RREB1: variants seen among roughly 807,000 people sequenced by gnomAD.
The protein encoded by RREB1 is ras-responsive element-binding protein 1.
RREB1 carries 27 observed loss-of-function variants against 117.8 expected under a neutral mutation model. That is an observed-to-expected ratio of 0.23 (90% CI 0.17 to 0.32). RREB1 has a LOEUF of 0.32. Ranked by LOEUF, RREB1 falls within the 10% of genes least tolerant of loss-of-function variation. RREB1 has a pLI of 1.00. For missense variants in RREB1, 2,577 were observed against 2,378.2 expected (o/e 1.08, Z -1.74); for synonymous variants, 1,298 against 1,026.7 (o/e 1.26, Z -5.05).
Position 7,229,308 on chromosome 6 carries a change from C to A in RREB1, c.1209C>A (p.Asp403Glu), listed in dbSNP as rs780035681. The A allele has an allele frequency of 3.7e-6, 6 of 1,614,188 alleles. 1 individual carries two copies. The South Asian group carries it at 6.6e-5, about 18-fold the overall frequency. Reference sequence around the variant, plus strand: ...CACTCAAGTGTCAGCTACCTCAGGACCCCGGCTGCACCAACCTGCTGAGCC... The same window carrying A: ...CACTCAAGTGTCAGCTACCTCAGGAACCCGGCTGCACCAACCTGCTGAGCC... ...LQTLKCQLPQ[D>E]PGCTNLLSLS... is the part of the protein sequence containing the mutation. The change falls in exon 10 of 13, where the codon GAC (aspartate) becomes GAA (glutamate). Residue 403 changes from aspartate (D) to glutamate (E), a missense_variant. Asp to Glu is a conservative substitution (Grantham distance 45). Transcript: ENST00000379938. This position sits in a 1 kb window ranked among gnomAD's most constrained non-coding sequence, Gnocchi z 4.5.
At chr6:7,143,830 C>A (rs1205103789) in intron 1 of RREB1, among the ~76,000 whole-genome samples, 1 of 149,270 alleles carries the variant, frequency 6.7e-6, no homozygotes. Flanking sequence ...CAGTGTGCAT[C>A]ACTGCAGCCT....
At chr6:7,196,230 T>G (rs201055608) in intron 6 of RREB1, among the ~76,000 whole-genome samples, 3,430 of 124,092 alleles carry the variant, frequency 0.028, 62 homozygotes, top group African/African-American at 0.086. Flanking sequence ...TTTTTTTTTT[T>G]GTTTTTTTTT....
intron 1 of RREB1, among the ~76,000 whole-genome samples, chr6:7,112,159 A>G (rs1256598229): frequency 6.6e-6 from 1 of 152,232 alleles, no homozygotes; most frequent in Non-Finnish European, 1.5e-5. Flanking sequence ...GGTTCAGAGT[A>G]TCTTTGGAAG....
Position 7,146,252 on chromosome 6 carries a change from CTG to C in RREB1, c.-284-30400_-284-30399del, listed in dbSNP as rs1489004515. 2.0e-5 allele frequency among the ~76,000 whole-genome samples: 3 copies of C among 152,312 alleles called. No individual in the cohort carries two copies. In the East Asian group the frequency reaches 5.8e-4, roughly 29 times the overall value. ...CCTTGCCATCTGTTTCTAGAGCAGT[CTG>C]TGGCCCGCTTACCATGCCCTCTGTC... On this transcript the variant is annotated intron_variant, in intron 1 of 12. Coordinates refer to ENST00000379938, the MANE Select transcript of RREB1 (RefSeq NM_001003699.4).
chr6:7,126,354 C>T (rs1027926208), intron 1 of RREB1, among the ~76,000 whole-genome samples: 3 of 152,088 alleles, frequency 2.0e-5, no homozygotes, highest in East Asian at 3.9e-4. Context: ...CTACAACCTC[C>T]GCCTCCCAGG....
chr6:7,180,592 A>G (rs1183390457), intron 2 of RREB1, among the ~76,000 whole-genome samples: 2 of 152,256 alleles, frequency 1.3e-5, no homozygotes, highest in Admixed American at 6.5e-5. Context: ...ATAATAGTCT[A>G]GTTGCAAGGA....
At chr6:7,124,652 CT>C (rs1272441121) in intron 1 of RREB1, among the ~76,000 whole-genome samples, 1 of 152,220 alleles carries the variant, frequency 6.6e-6, no homozygotes, top group African/African-American at 2.4e-5. Context: ...GGTTGTTAGG[CT>C]TTTCATGTAG....
At chr6:7,207,282 A>G (rs1766330330) in intron 6 of RREB1, among the ~76,000 whole-genome samples, 1 of 152,242 alleles carries the variant, frequency 6.6e-6, no homozygotes, top group Non-Finnish European at 1.5e-5. Context: ...TTTAAAATTC[A>G]TATCTCTAGT....
chr6:7,200,530 A>C (rs975778023), intron 6 of RREB1, among the ~76,000 whole-genome samples: 1 of 152,078 alleles, frequency 6.6e-6, no homozygotes, highest in African/African-American at 2.4e-5. Flanking sequence ...CAGCCTCCCA[A>C]AGTGCTGGGA....
chr6:7,149,606 A>G (rs74621235), intron 1 of RREB1, among the ~76,000 whole-genome samples: 203 of 152,358 alleles, frequency 1.3e-3, no homozygotes, highest in African/African-American at 4.8e-3. Flanking sequence ...AATAGTGTCC[A>G]CATGGCTTTT....
intron 1 of RREB1, among the ~76,000 whole-genome samples, chr6:7,163,709 T>G (rs2113471004): frequency 6.6e-6 from 1 of 152,296 alleles, no homozygotes; most frequent in East Asian, 1.9e-4. Context: ...GCGTTTTAGT[T>G]GTGGGGCTGG....
chr6:7,229,809 G>A lies in RREB1; in HGVS notation c.1710G>A (p.Gln570=), dbSNP rs370148844. ...TGCTGCAGTCCAAGTCCGGGACCCA[G>A]CCCCACGCGGCCACGCGGCTCTCCC... ...AHLLQSKSGT[Q]PHAATRLSLQ... Residue 570 remains glutamine (Q), a synonymous_variant, in exon 10 of 13, where the codon CAG becomes CAA. Transcript: ENST00000379938. This position sits in a 1 kb window ranked among gnomAD's most constrained non-coding sequence, Gnocchi z 4.5. 2.8e-4 allele frequency: 446 copies of A among 1,610,580 alleles called. 1 individual carries two copies. Among genetic ancestry groups the A allele is most frequent in the Non-Finnish European group, 3.6e-4 (430 of 1,178,630 alleles).
rs1231703440 is a variant in RREB1, at chr6:7,231,386, G to A, written c.3287G>A (p.Ser1096Asn). Residue 1096 changes from serine to asparagine, a missense_variant, in exon 10 of 13, where the codon AGT becomes AAT. Physicochemically the swap from Ser to Asn is conservative, Grantham distance 46. Transcript: ENST00000379938. ...VADPGPASTG[S>N]NTTASDSLGG... ...GACCCAGGGCCCGCAAGCACTGGCA[G>A]TAACACCACGGCTTCAGACAGCTTA... The A allele has an allele frequency of 6.2e-7, 1 of 1,613,486 alleles. No homozygotes were observed. Among genetic ancestry groups the A allele is most frequent in the Non-Finnish European group, 8.5e-7 (1 of 1,179,954 alleles).
rs9502564 is a variant in RREB1 at position 7,230,447 on chromosome 6, G to T, written c.2348G>T (p.Gly783Val). 0.36 allele frequency: 572,640 copies of T among 1,590,360 alleles called. 112,395 individuals are homozygous for T. The highest frequency in any genetic ancestry group is 0.74 in the East Asian group (33,015 of 44,584). Residue 783 changes from glycine to valine, a missense_variant, in exon 10 of 13, where the codon GGC becomes GTC. Transcript: ENST00000379938. ...CACTGCGGCCGCGGCCTGGGCGGGGGCCACAAGGGCCGCAAGCCCTTCGAG... is the reference window on the plus strand; with the variant it reads ...CACTGCGGCCGCGGCCTGGGCGGGGTCCACAAGGGCCGCAAGCCCTTCGAG... Reference protein sequence around the residue: ...RTHCGRGLGGGHKGRKPFECK... With the variant: ...RTHCGRGLGGVHKGRKPFECK...
At chr6:7,225,173 G>A (rs1277071394) in intron 8 of RREB1, among the ~76,000 whole-genome samples, 1 of 152,186 alleles carries the variant, frequency 6.6e-6, no homozygotes, top group African/African-American at 2.4e-5. Flanking sequence ...AAGTGGCTTT[G>A]CCTGGCTAAA....
chr6:7,211,338 A>ACGGATG lies in RREB1; in HGVS notation c.571-235_571-234insCGGATG, dbSNP rs1554124720. On this transcript the variant is annotated intron_variant, in intron 7 of 12. Coordinates refer to ENST00000379938, the MANE Select transcript of RREB1 (RefSeq NM_001003699.4). ...AGGGTGGGTGGATGGATGGATGGAC[A>ACGGATG]GATGGATGGATGGATGGATGGATGG... is the stretch of plus-strand genomic sequence containing the variant. 8.9e-4 allele frequency among the ~76,000 whole-genome samples: 106 copies of ACGGATG among 118,672 alleles called. 1 individual carries two copies. The highest frequency in any genetic ancestry group is 8.8e-3 in the Admixed American group (97 of 11,004). 77.9% of individuals were successfully genotyped at this position (118,672 alleles called of 152,430 possible).
chr6:7,226,672 C>T lies in RREB1; in HGVS notation c.897+16C>T, dbSNP rs371782244. Reference sequence around the variant, plus strand: ...CATTTCTCAGGTATTCTGATCAGCCCATGGAAGCAACCAGCAACTGCCTTC... The same window carrying T: ...CATTTCTCAGGTATTCTGATCAGCCTATGGAAGCAACCAGCAACTGCCTTC... On this transcript the variant is annotated intron_variant, in intron 9 of 12. Transcript: ENST00000379938. 6.2e-7 allele frequency: 1 copy of T among 1,604,678 alleles called. No individual in the cohort carries two copies. The highest frequency in any genetic ancestry group is 1.3e-5 in the African/African-American group (1 of 74,718).
At chr6:7,214,104 A>T (rs576950475) in intron 8 of RREB1, 1 of 152,344 alleles carries the variant, frequency 6.6e-6, no homozygotes, top group South Asian at 2.1e-4. Flanking sequence ...GAGGTTGGAG[A>T]TGGGCATTGC....
chr6:7,246,885 A>G lies in RREB1; in HGVS notation c.4435A>G (p.Lys1479Glu). Residue 1479 changes from lysine to glutamate, a missense_variant, in exon 12 of 13, where the codon AAG becomes GAG. Physicochemically the swap from Lys to Glu is moderately conservative, Grantham distance 56. Coordinates refer to ENST00000379938, the MANE Select transcript of RREB1 (RefSeq NM_001003699.4). ...AHGRQEPKDEKGDGASTAEEG... is the reference protein window; with the variant it reads ...AHGRQEPKDEEGDGASTAEEG... ...CGGCCGCCAGGAGCCCAAGGACGAG[A>G]AGGGAGATGGCGCCAGCACTGCAGA... is the stretch of plus-strand genomic sequence containing the variant. 6.4e-7 allele frequency: 1 copy of G among 1,552,720 alleles called. No individual in the cohort carries two copies. The highest frequency in any genetic ancestry group is 8.7e-7 in the Non-Finnish European group (1 of 1,148,580).
Sources: gnomAD v4.1 joint callset for allele counts (sites outside exome capture counted in the v4.1 genomes callset) on GRCh38, gnomAD v4.1.1 for gene constraint, Gnocchi (gnomAD v3.1) non-coding constraint, MANE v1.5 for transcripts, NCBI Gene and HGNC (gene_info 2026-07-23, HGNC 2026-07-21) for gene names.